Variants in RGS6 observed in about 807,000 individuals in gnomAD.
The protein encoded by RGS6 is regulator of G-protein signaling 6.
RGS6 carries 30 observed loss-of-function variants against 78.5 expected under a neutral mutation model. That is an observed-to-expected ratio of 0.38 (90% CI 0.29 to 0.52). RGS6 has a LOEUF of 0.52. Ranked by LOEUF, RGS6 falls within the 20% of genes least tolerant of loss-of-function variation. RGS6 has a pLI of 0.85. For missense variants in RGS6, 495 were observed against 609.7 expected (o/e 0.81, Z 1.98); for synonymous variants, 206 against 206.0 (o/e 1.00, Z 0.00).
chr14:72,545,303 G>A (rs900679404), intron 17 of RGS6, among the ~76,000 whole-genome samples: 12 of 152,224 alleles, frequency 7.9e-5, no homozygotes, highest in Admixed American at 2.0e-4. Context: ...GACTTCCATC[G>A]AAGTGTTTGG....
At chr14:72,239,686 A>G (rs960490682) in intron 2 of RGS6, among the ~76,000 whole-genome samples, 1 of 152,184 alleles carries the variant, frequency 6.6e-6, no homozygotes, top group African/African-American at 2.4e-5. Flanking sequence ...AGTGGTGTGA[A>G]GGAAGTTCTG....
chr14:72,068,166 C>T (rs1352598924), intron 2 of RGS6, among the ~76,000 whole-genome samples: 11 of 143,728 alleles, frequency 7.7e-5, no homozygotes, highest in Admixed American at 2.8e-4. Flanking sequence ...CAAGATCTGA[C>T]GGTATCACCC....
At chr14:72,496,168 C>G (rs773081120) in intron 13 of RGS6, among the ~76,000 whole-genome samples, 9 of 152,166 alleles carry the variant, frequency 5.9e-5, no homozygotes, top group Non-Finnish European at 1.2e-4. Context: ...ATGCTCTCTT[C>G]CTCCAACCCG....
At chr14:72,404,386 T>A (rs2092739014) in intron 3 of RGS6, among the ~76,000 whole-genome samples, 1 of 152,152 alleles carries the variant, frequency 6.6e-6, no homozygotes, top group Non-Finnish European at 1.5e-5. Flanking sequence ...GTGCTCTGTA[T>A]GAAGCCAGAA....
the RGS6 span, among the ~76,000 whole-genome samples, chr14:72,577,215 T>C: frequency 6.6e-6 from 1 of 152,236 alleles, no homozygotes; most frequent in Non-Finnish European, 1.5e-5. Context: ...TCATTTCTCT[T>C]GCCCAGAATT....
chr14:72,540,994 C>G, intron 17 of RGS6: 1 of 1,278,922 alleles, frequency 7.8e-7, no homozygotes, highest in Non-Finnish European at 1.0e-6. Context: ...TCTCCTCTTT[C>G]CATGCTGGTC....
chr14:72,561,202 C>G lies in RGS6; in HGVS notation c.1423-1215C>G, dbSNP rs10131844. Among the ~76,000 whole-genome samples, 757 of 152,254 alleles carry G rather than the reference C, an allele frequency of 5.0e-3. 6 individuals carry two copies. Among genetic ancestry groups the G allele is most frequent in the African/African-American group, 0.017 (702 of 41,518 alleles). Reference sequence around the variant, plus strand: ...TTTTTTAAATTACATCTAGCTTACACGCAGCCAAGCCCAGTAAACAAGACG... The same window carrying G: ...TTTTTTAAATTACATCTAGCTTACAGGCAGCCAAGCCCAGTAAACAAGACG... On this transcript the variant is annotated intron_variant, in intron 17 of 17. Coordinates refer to ENST00000553525, the MANE Select transcript of RGS6 (RefSeq NM_001204424.2).
intron 2 of RGS6, among the ~76,000 whole-genome samples, chr14:71,971,030 A>G (rs1213381493): frequency 6.6e-6 from 1 of 152,168 alleles, no homozygotes; most frequent in Non-Finnish European, 1.5e-5. Context: ...AGGAGACTTT[A>G]AGTGGTTGAT....
intron 17 of RGS6, among the ~76,000 whole-genome samples, chr14:72,554,964 G>C (rs895684480): frequency 6.6e-6 from 1 of 152,178 alleles, no homozygotes; most frequent in African/African-American, 2.4e-5. Context: ...ATGGAGAAAG[G>C]TCCCCCATCA....
chr14:72,581,375 A>G, the RGS6 span, among the ~76,000 whole-genome samples: 1 of 152,006 alleles, frequency 6.6e-6, no homozygotes, highest in Non-Finnish European at 1.5e-5. Flanking sequence ...CAGGCCAACT[A>G]CATTCCTTCT....
chr14:72,081,781 A>G (rs1313603069), intron 2 of RGS6, among the ~76,000 whole-genome samples: 1 of 152,118 alleles, frequency 6.6e-6, no homozygotes. Context: ...CTTCAAACTG[A>G]AAACCGAAGT....
At chr14:72,085,410 G>T (rs1055696465) in intron 2 of RGS6, among the ~76,000 whole-genome samples, 1 of 152,146 alleles carries the variant, frequency 6.6e-6, no homozygotes, top group Non-Finnish European at 1.5e-5. Context: ...ACCCTACAAG[G>T]TTTGGCTTCC....
At chr14:71,867,934 A>G in the RGS6 span, among the ~76,000 whole-genome samples, 4 of 152,162 alleles carry the variant, frequency 2.6e-5, no homozygotes, top group Non-Finnish European at 5.9e-5. Flanking sequence ...GCTCCTCTTA[A>G]GGGACTCCAC....
chr14:72,363,067 A>C (rs1257893128), intron 3 of RGS6, among the ~76,000 whole-genome samples: 1 of 152,258 alleles, frequency 6.6e-6, no homozygotes, highest in African/African-American at 2.4e-5. Context: ...GCATATTGGC[A>C]GAACAGCCAC....
chr14:72,270,594 G>A (rs947818087), intron 2 of RGS6, among the ~76,000 whole-genome samples: 1 of 152,254 alleles, frequency 6.6e-6, no homozygotes, highest in African/African-American at 2.4e-5. Flanking sequence ...GGCTTTCAGA[G>A]AAAGAGAATA....
At chr14:72,369,358 T>C (rs1370354707) in intron 3 of RGS6, among the ~76,000 whole-genome samples, 1 of 152,228 alleles carries the variant, frequency 6.6e-6, no homozygotes, top group African/African-American at 2.4e-5. Flanking sequence ...AGAGCAAGTA[T>C]GGCCCTGCCA....
the RGS6 span, among the ~76,000 whole-genome samples, chr14:71,906,112 C>G: frequency 6.6e-6 from 1 of 152,172 alleles, no homozygotes; most frequent in African/African-American, 2.4e-5. Flanking sequence ...GGAAGCTGGC[C>G]CAGCTGTCAC....
intron 2 of RGS6, among the ~76,000 whole-genome samples, chr14:72,305,083 G>A (rs1201784656): frequency 6.6e-6 from 1 of 152,144 alleles, no homozygotes; most frequent in Non-Finnish European, 1.5e-5. Flanking sequence ...TTTACAAGAA[G>A]TGAGGGCAAG....
At chr14:72,392,656 A>G (rs1330016333) in intron 3 of RGS6, among the ~76,000 whole-genome samples, 1 of 152,188 alleles carries the variant, frequency 6.6e-6, no homozygotes, top group Non-Finnish European at 1.5e-5. Flanking sequence ...ACATGTAAGC[A>G]TCTCTTGTGG....
Sources: allele counts gnomAD v4.1 joint callset (sites outside exome capture counted in the v4.1 genomes callset), GRCh38; gene constraint gnomAD v4.1.1; transcripts MANE v1.5; gene names NCBI Gene and HGNC (gene_info 2026-07-23, HGNC 2026-07-21).